LPP: variants seen among roughly 807,000 people sequenced by gnomAD.
LPP encodes lipoma-preferred partner.
In LPP, 38 loss-of-function variants were observed where a neutral mutation model predicts 60.4. The observed-to-expected ratio is 0.63, with a 90% CI of 0.49 to 0.83. The LOEUF (loss-of-function observed/expected upper bound fraction) is 0.83. Ranked by LOEUF, LPP falls within the 40% of genes least tolerant of loss-of-function variation. LPP has a pLI of 0.00. For synonymous variants in LPP, 328 were observed against 290.8 expected (o/e 1.13, Z -1.30); for missense variants, 902 against 783.6 (o/e 1.15, Z -1.80).
chr3:188,497,865 TG>T (rs1007217076), intron 5 of LPP, among the ~76,000 whole-genome samples: 2 of 152,144 alleles, frequency 1.3e-5, no homozygotes, highest in African/African-American at 4.8e-5. Flanking sequence ...TCTTGCCCAG[TG>T]GGGATAGAAA....
Position 188,885,757 on chromosome 3 carries a change from A to G in LPP, c.*11278A>G, listed in dbSNP as rs908425488. On this transcript the variant is annotated 3_prime_UTR_variant, in exon 12 of 12. Coordinates refer to ENST00000617246, the MANE Select transcript of LPP (RefSeq NM_001375462.1). ...TGAACTAGTTCACAGTCCCACCAACAGTGTAAAAGTGTTCTTATTTCTCCA... is the reference window on the plus strand; with the variant it reads ...TGAACTAGTTCACAGTCCCACCAACGGTGTAAAAGTGTTCTTATTTCTCCA... The G allele has an allele frequency of 2.6e-5, 4 of 152,148 alleles. No homozygotes were observed. Among genetic ancestry groups the G allele is most frequent in the Non-Finnish European group, 4.4e-5 (3 of 68,066 alleles). 9.4% of individuals were successfully genotyped at this position (152,148 alleles called of 1,614,324 possible).
intron 8 of LPP, among the ~76,000 whole-genome samples, chr3:188,736,741 T>C (rs1305964781): frequency 1.3e-5 from 2 of 151,944 alleles, no homozygotes; most frequent in African/African-American, 2.4e-5. Flanking sequence ...GATAGATACA[T>C]AGACATCTAT....
intron 5 of LPP, among the ~76,000 whole-genome samples, chr3:188,521,368 A>G (rs1818820581): frequency 6.6e-6 from 1 of 152,174 alleles, no homozygotes; most frequent in African/African-American, 2.4e-5. Flanking sequence ...GACTGGTTGC[A>G]TATCATAATT....
intron 9 of LPP, among the ~76,000 whole-genome samples, chr3:188,773,326 A>G (rs1017560862): frequency 6.6e-6 from 1 of 151,976 alleles, no homozygotes; most frequent in African/African-American, 2.4e-5. Flanking sequence ...ATACTTCACA[A>G]GGACAAGGGC....
intron 8 of LPP, among the ~76,000 whole-genome samples, chr3:188,727,778 T>A (rs1718964713): frequency 6.6e-6 from 1 of 152,156 alleles, no homozygotes; most frequent in African/African-American, 2.4e-5. Context: ...ATTTTTCAGA[T>A]GAGAAAATTG....
intron 8 of LPP, among the ~76,000 whole-genome samples, chr3:188,728,301 G>A (rs1719164217): frequency 6.6e-6 from 1 of 152,162 alleles, no homozygotes; most frequent in Non-Finnish European, 1.5e-5. Flanking sequence ...ACAGAATGAA[G>A]AGTGACAATC....
At chr3:188,684,358 G>T (rs533579394) in intron 7 of LPP, among the ~76,000 whole-genome samples, 1 of 152,246 alleles carries the variant, frequency 6.6e-6, no homozygotes, top group South Asian at 2.1e-4. Context: ...TAAAAAACTG[G>T]CAGAGAAAAA....
At chr3:188,864,856 T>C (rs888290959) in intron 9 of LPP, among the ~76,000 whole-genome samples, 1 of 152,224 alleles carries the variant, frequency 6.6e-6, no homozygotes, top group Non-Finnish European at 1.5e-5. Flanking sequence ...CATCTGTGTT[T>C]GGAAAGAAAA....
At chr3:188,590,967 A>G (rs1838571596) in intron 6 of LPP, among the ~76,000 whole-genome samples, 1 of 152,208 alleles carries the variant, frequency 6.6e-6, no homozygotes, top group South Asian at 2.1e-4. Context: ...AAATCTAAGA[A>G]GTGTGTGAAA....
chr3:188,632,344 AT>A (rs1422665461), intron 7 of LPP, among the ~76,000 whole-genome samples: 1 of 152,176 alleles, frequency 6.6e-6, no homozygotes, highest in East Asian at 1.9e-4. Flanking sequence ...GAAAACCTTT[AT>A]GAGGAAGTAG....
chr3:188,341,818 A>G (rs1763134247), intron 3 of LPP, 99 bp downstream of exon 3: 1 of 342,446 alleles, frequency 2.9e-6, no homozygotes, highest in Non-Finnish European at 4.1e-6. Context: ...GAAGAAATAC[A>G]AAGTACTTTA....
chr3:188,669,406 C>T (rs1456160900), intron 7 of LPP, among the ~76,000 whole-genome samples: 1 of 152,030 alleles, frequency 6.6e-6, no homozygotes, highest in African/African-American at 2.4e-5. Context: ...GAAACCCCGT[C>T]TCTACTAAAA....
intron 4 of LPP, among the ~76,000 whole-genome samples, chr3:188,471,177 G>T (rs1331586398): frequency 1.3e-5 from 2 of 152,092 alleles, no homozygotes; most frequent in Admixed American, 1.3e-4. Context: ...TTGTCTCTAT[G>T]TCTGTCCTTA....
intron 1 of LPP, among the ~76,000 whole-genome samples, chr3:188,201,752 A>T (rs1207799116): frequency 6.6e-6 from 1 of 152,070 alleles, no homozygotes; most frequent in Non-Finnish European, 1.5e-5. Context: ...TGTTGTCCCA[A>T]CGACTGGAGA....
intron 2 of LPP, among the ~76,000 whole-genome samples, chr3:188,241,472 A>G (rs191451199): frequency 2.0e-5 from 3 of 152,168 alleles, no homozygotes; most frequent in Admixed American, 2.0e-4. Context: ...TTTGGGGGAG[A>G]AAAAGTCATC....
Position 188,580,855 on chromosome 3 carries a change from G to A in LPP, c.430-28306G>A, listed in dbSNP as rs114935643. 6.7e-3 allele frequency among the ~76,000 whole-genome samples: 1,020 copies of A among 152,194 alleles called. 2 individuals are homozygous for A. The highest frequency in any genetic ancestry group is 0.011 in the Non-Finnish European group (742 of 68,018). On this transcript the variant is annotated intron_variant, in intron 6 of 11. Transcript: ENST00000617246. ...ATCTACAGATTAGGCAATTAGGAAG[G>A]GCAGGCTGTAACTCCGTGGCATGAG...
intron 6 of LPP, among the ~76,000 whole-genome samples, chr3:188,534,527 A>G (rs1349990550): frequency 6.6e-6 from 1 of 152,166 alleles, no homozygotes; most frequent in Non-Finnish European, 1.5e-5. Context: ...TTTTGGTGGT[A>G]GTGTTAGTAT....
At chr3:188,647,182 C>G (rs113713157) in intron 7 of LPP, among the ~76,000 whole-genome samples, 1 of 152,232 alleles carries the variant, frequency 6.6e-6, no homozygotes, top group Non-Finnish European at 1.5e-5. Flanking sequence ...GGTGAACACA[C>G]TGCATTTCCC....
rs113741595 is a variant in LPP, at chr3:188,786,443, G to A, written c.1410+26161G>A. On this transcript the variant is annotated intron_variant, in intron 9 of 11. Transcript: ENST00000617246. ...ATCAGTGCAGAAGAGGATGTGGAGT[G>A]GAGAGACTGCATCAATTATATTTTG... Among the ~76,000 whole-genome samples the A allele has an allele frequency of 1.2e-3, 181 of 149,654 alleles. 1 individual carries two copies. The highest frequency in any genetic ancestry group is 4.3e-3 in the African/African-American group (174 of 40,648).
Sources: allele counts gnomAD v4.1 joint callset (sites outside exome capture counted in the v4.1 genomes callset), GRCh38; gene constraint gnomAD v4.1.1; transcripts MANE v1.5; gene names NCBI Gene and HGNC (gene_info 2026-07-23, HGNC 2026-07-21).